SUPT20HL2: variants seen among roughly 807,000 people sequenced by gnomAD.
The protein encoded by SUPT20HL2 is SUPT20H like 2.
For missense variants in SUPT20HL2, 288 were observed against 127.4 expected, an observed-to-expected ratio of 2.26 and a Z score of -6.07; for synonymous variants, 125 against 51.6, an observed-to-expected ratio of 2.42 and a Z score of -6.10.
rs1939097074 is a variant in SUPT20HL2 at position 24,309,717 on chromosome X, G to GA, written c.*1144dup. Among the ~76,000 whole-genome samples the GA allele has an allele frequency of 5.1e-4, 7 of 13,821 alleles. No individual in the cohort carries two copies. Among genetic ancestry groups the GA allele is most frequent in the African/African-American group, 1.8e-3 (4 of 2,204 alleles). The allele number at this position is 13,821 out of a possible 115,157, so 12.0% of individuals were successfully genotyped here. On this transcript the variant is annotated 3_prime_UTR_variant, in exon 1 of 1. Transcript: ENST00000486479. Reference sequence around the variant, plus strand: ...TAAAAAAAAAAATTAAAAAAAAAAAGAAAAAAATAATAAAAATAAAAAAAA... The same window carrying GA: ...TAAAAAAAAAAATTAAAAAAAAAAAGAAAAAAAATAATAAAAATAAAAAAAA...
rs375529131 is a variant in SUPT20HL2 at position 24,314,027 on chromosome X, G to A, written c.-712C>T. 2.7e-6 allele frequency: 1 copy of A among 366,546 alleles called. No homozygotes were observed. Among genetic ancestry groups the A allele is most frequent in the Non-Finnish European group, 5.3e-6 (1 of 187,862 alleles). 30.2% of individuals were successfully genotyped at this position (366,546 alleles called of 1,213,427 possible). On this transcript the variant is annotated 5_prime_UTR_variant, in exon 1 of 1. Transcript: ENST00000486479. ...AAACATCGGTACCTGAGGGGTGATTGTCGTGGCCTGGGCTTCGCGTCTCTG... is the reference window on the plus strand; with the variant it reads ...AAACATCGGTACCTGAGGGGTGATTATCGTGGCCTGGGCTTCGCGTCTCTG...
chrX:24,308,611 T>C lies in SUPT20HL2; in HGVS notation c.*2251A>G, dbSNP rs1939085429. Among the ~76,000 whole-genome samples the C allele has an allele frequency of 8.9e-6, 1 of 112,412 alleles. No homozygotes were observed. The highest frequency in any genetic ancestry group is 3.2e-5 in the African/African-American group (1 of 30,960). On this transcript the variant is annotated 3_prime_UTR_variant, in exon 1 of 1. Transcript: ENST00000486479. ...GGATACCTGTCTCTTTACTGATGTC[T>C]TTTGGAATGCCAGATCAAATCTCCT...
chrX:24,310,783 A>C lies in SUPT20HL2; in HGVS notation c.*79T>G, dbSNP rs896743920. On this transcript the variant is annotated 3_prime_UTR_variant, in exon 1 of 1. Transcript: ENST00000486479. ...AAAATACCAAAACATGAGAAAAAAA[A>C]CAAAACTCAAGTAAAAACTGGGAAT... The C allele has an allele frequency of 4.0e-5, 11 of 274,294 alleles. No individual in the cohort carries two copies. The highest frequency in any genetic ancestry group is 2.5e-4 in the Admixed American group (5 of 19,613). 22.6% of individuals were successfully genotyped at this position (274,294 alleles called of 1,213,427 possible). A position where few individuals can be genotyped will look rare whatever the true frequency, so the allele number is the denominator to read the frequency against.
chrX:24,311,803 GAGC>G lies in SUPT20HL2; in HGVS notation c.1510_1512del (p.Ala504del), dbSNP rs1050338108. On this transcript the variant is annotated inframe_deletion, in exon 1 of 1. Transcript: ENST00000486479. ...GCAGCAGGAGCAGGAGCAGGAGCAG[GAGC>G]AGCAGCAGCTACAGCAGGAGCAGCA... is the stretch of plus-strand genomic sequence containing the variant. 1.2e-5 allele frequency: 4 copies of G among 336,466 alleles called. No individual in the cohort carries two copies. The highest frequency in any genetic ancestry group is 2.4e-5 in the Non-Finnish European group (4 of 167,316). The allele number at this position is 336,466 out of a possible 1,213,427, so 27.7% of individuals were successfully genotyped here.
In SUPT20HL2 at chrX:24,309,723, A is replaced by AAG; in HGVS notation, c.*1138_*1139insCT. ...AAAAAATTAAAAAAAAAAAGAAAAA[A>AAG]ATAATAAAAATAAAAAAAAAAAGAA... On this transcript the variant is annotated 3_prime_UTR_variant, in exon 1 of 1. Transcript: ENST00000486479. Among the ~76,000 whole-genome samples, 1 of 66,849 alleles carries AAG rather than the reference A, an allele frequency of 1.5e-5. No individual in the cohort carries two copies. 58.1% of individuals were successfully genotyped at this position (66,849 alleles called of 115,157 possible).
In SUPT20HL2 at chrX:24,309,718, A is replaced by AAAAAAT. The variant is rs1569195662; in HGVS notation, c.*1143_*1144insATTTTT. Among the ~76,000 whole-genome samples the AAAAAAT allele has an allele frequency of 1.3e-4, 9 of 70,279 alleles. No homozygotes were observed. Among genetic ancestry groups the AAAAAAT allele is most frequent in the African/African-American group, 5.5e-4 (7 of 12,711 alleles). The allele number at this position is 70,279 out of a possible 115,157, so 61.0% of individuals were successfully genotyped here. Reference sequence around the variant, plus strand: ...AAAAAAAAAAATTAAAAAAAAAAAGAAAAAAATAATAAAAATAAAAAAAAA... The same window carrying AAAAAAT: ...AAAAAAAAAAATTAAAAAAAAAAAGAAAAAATAAAAAATAATAAAAATAAAAAAAAA... On this transcript the variant is annotated 3_prime_UTR_variant, in exon 1 of 1. Transcript: ENST00000486479.
At position 24,308,761 on chromosome X, in the gene SUPT20HL2, A is replaced by T. The variant is rs1252827461; in HGVS notation, c.*2101T>A. 8.9e-6 allele frequency among the ~76,000 whole-genome samples: 1 copy of T among 112,197 alleles called. No individual in the cohort carries two copies. The highest frequency in any genetic ancestry group is 9.5e-5 in the Admixed American group (1 of 10,529). On this transcript the variant is annotated 3_prime_UTR_variant, in exon 1 of 1. Coordinates refer to ENST00000486479, the MANE Select transcript of SUPT20HL2 (RefSeq NM_001136233.3). Reference sequence around the variant, plus strand: ...GAGGTGCTAGAACAGATGCTTGTACATGAAAGTTGACAGCAGCTCTATGCA... The same window carrying T: ...GAGGTGCTAGAACAGATGCTTGTACTTGAAAGTTGACAGCAGCTCTATGCA...
Position 24,313,759 on chromosome X carries a change from G to C in SUPT20HL2, c.-444C>G, listed in dbSNP as rs2148138341. The C allele has an allele frequency of 2.8e-6, 1 of 359,018 alleles. No homozygotes were observed. 29.6% of individuals were successfully genotyped at this position (359,018 alleles called of 1,213,427 possible). A position where few individuals can be genotyped will look rare whatever the true frequency, so the allele number is the denominator to read the frequency against. On this transcript the variant is annotated 5_prime_UTR_variant, in exon 1 of 1. Coordinates refer to ENST00000486479, the MANE Select transcript of SUPT20HL2 (RefSeq NM_001136233.3). ...GAAGTGAGCGGGAGGGCCGTGGTCA[G>C]CTTCTAGGCGCGTCTGGGCACCTGC...
rs775650043 is a variant in SUPT20HL2 at position 24,311,562 on chromosome X, G to A, written c.1754C>T (p.Ala585Val). The change falls in exon 1 of 1, where the codon GCC (alanine) becomes GTC (valine). Residue 585 changes from alanine (A) to valine (V), a missense_variant. Coordinates refer to ENST00000486479, the MANE Select transcript of SUPT20HL2 (RefSeq NM_001136233.3). ...CTTGAAACTGCACCCCAAAACCTGG[G>A]CTCCCCGGACTGGGCCCTCCACGTT... ...ATNVEGPVRG[A>V]QVLGCSFKPV... 3 of 386,250 alleles carry A rather than the reference G, an allele frequency of 7.8e-6. No homozygotes were observed. The highest frequency in any genetic ancestry group is 1.0e-5 in the Non-Finnish European group (2 of 192,202). The allele number at this position is 386,250 out of a possible 1,213,427, so 31.8% of individuals were successfully genotyped here.
chrX:24,311,582 C>T lies in SUPT20HL2; in HGVS notation c.1734G>A (p.Val578=), dbSNP rs754298220. The change falls in exon 1 of 1, where the codon GTG becomes GTA. Residue 578 remains valine, a synonymous_variant. Coordinates refer to ENST00000486479, the MANE Select transcript of SUPT20HL2 (RefSeq NM_001136233.3). The stretch of plus-strand genomic sequence containing the variant: ...CCTGGGCTCCCCGGACTGGGCCCTC[C>T]ACGTTGGTGGCCTTTAGGCCAGTGG... ...TGSTGLKATN[V]EGPVRGAQVL... is the part of the protein sequence containing the mutation. 2 of 384,910 alleles carry T rather than the reference C, an allele frequency of 5.2e-6. No individual in the cohort carries two copies. Among genetic ancestry groups the T allele is most frequent in the African/African-American group, 5.1e-5 (2 of 39,521 alleles). 31.7% of individuals were successfully genotyped at this position (384,910 alleles called of 1,213,427 possible). A position where few individuals can be genotyped will look rare whatever the true frequency, so the allele number is the denominator to read the frequency against.
Position 24,313,249 on chromosome X carries a change from G to A in SUPT20HL2, c.67C>T (p.Arg23Cys), listed in dbSNP as rs1253581356. ...ENITEIAQQR[R>C]PRRRYSPRAG... is the part of the protein sequence containing the mutation. ...CTAGGTGAGTATCTCCTTCTAGGAC[G>A]TCTCTGTTGGGCAATTTCAGTGATA... is the stretch of plus-strand genomic sequence containing the variant. Residue 23 changes from arginine (R) to cysteine (C), a missense_variant, in exon 1 of 1, where the codon CGT becomes TGT. By Grantham distance (180) the Arg-to-Cys change is radical (BLOSUM62 -3). Transcript: ENST00000486479. 5.2e-6 allele frequency: 2 copies of A among 387,028 alleles called. No homozygotes were observed. The highest frequency in any genetic ancestry group is 1.0e-5 in the Non-Finnish European group (2 of 192,608). The allele number at this position is 387,028 out of a possible 1,213,427, so 31.9% of individuals were successfully genotyped here.
rs1569195653 is a variant in SUPT20HL2 at position 24,309,704 on chromosome X, T to TAA, written c.*1157_*1158insTT. On this transcript the variant is annotated 3_prime_UTR_variant, in exon 1 of 1. Coordinates refer to ENST00000486479, the MANE Select transcript of SUPT20HL2 (RefSeq NM_001136233.3). Reference sequence around the variant, plus strand: ...AAAAAAAAAAAATTAAAAAAAAAAATTAAAAAAAAAAAGAAAAAAATAATA... The same window carrying TAA: ...AAAAAAAAAAAATTAAAAAAAAAAATAATAAAAAAAAAAAGAAAAAAATAATA... Among the ~76,000 whole-genome samples, 4 of 18,353 alleles carry TAA rather than the reference T, an allele frequency of 2.2e-4. No homozygotes were observed. The highest frequency in any genetic ancestry group is 3.0e-4 in the African/African-American group (1 of 3,386). 15.9% of individuals were successfully genotyped at this position (18,353 alleles called of 115,157 possible).
At position 24,312,722 on chromosome X, in the gene SUPT20HL2, A is replaced by G. The variant is rs867542001; in HGVS notation, c.594T>C (p.Ser198=). Residue 198 remains serine (S), a synonymous_variant, in exon 1 of 1, where the codon AGT becomes AGC. Transcript: ENST00000486479. ...WSQEDKFPLE[S]QLILATAEPL... Reference sequence around the variant, plus strand: ...GTTCAGCTGTCGCTAAGATCAGTTGACTCTCAAGAGGAAATTTGTCTTCCT... The same window carrying G: ...GTTCAGCTGTCGCTAAGATCAGTTGGCTCTCAAGAGGAAATTTGTCTTCCT... 11 of 384,286 alleles carry G rather than the reference A, an allele frequency of 2.9e-5. No individual in the cohort carries two copies. Among genetic ancestry groups the G allele is most frequent in the Middle Eastern group, 4.3e-4 (1 of 2,348 alleles). 31.7% of individuals were successfully genotyped at this position (384,286 alleles called of 1,213,427 possible). A position where few individuals can be genotyped will look rare whatever the true frequency, so the allele number is the denominator to read the frequency against.
At position 24,309,734 on chromosome X, in the gene SUPT20HL2, T is replaced by TAAAAAAA. The variant is rs1429702092; in HGVS notation, c.*1121_*1127dup. On this transcript the variant is annotated 3_prime_UTR_variant, in exon 1 of 1. Coordinates refer to ENST00000486479, the MANE Select transcript of SUPT20HL2 (RefSeq NM_001136233.3). ...AAAAAAAAGAAAAAAATAATAAAAA[T>TAAAAAAA]AAAAAAAAAAAGAAAAAAAAAAAAA... Among the ~76,000 whole-genome samples the TAAAAAAA allele has an allele frequency of 1.3e-4, 2 of 15,701 alleles. No homozygotes were observed. Among genetic ancestry groups the TAAAAAAA allele is most frequent in the African/African-American group, 3.4e-4 (1 of 2,899 alleles). The allele number at this position is 15,701 out of a possible 115,157, so 13.6% of individuals were successfully genotyped here.
rs1429702092 is a variant in SUPT20HL2 at position 24,309,734 on chromosome X, T to TAAAAAAAAAAAAAAAAA, written c.*1127_*1128insTTTTTTTTTTTTTTTTT. On this transcript the variant is annotated 3_prime_UTR_variant, in exon 1 of 1. Coordinates refer to ENST00000486479, the MANE Select transcript of SUPT20HL2 (RefSeq NM_001136233.3). Reference sequence around the variant, plus strand: ...AAAAAAAAGAAAAAAATAATAAAAATAAAAAAAAAAAGAAAAAAAAAAAAA... The same window carrying TAAAAAAAAAAAAAAAAA: ...AAAAAAAAGAAAAAAATAATAAAAATAAAAAAAAAAAAAAAAAAAAAAAAAAAAGAAAAAAAAAAAAA... Among the ~76,000 whole-genome samples, 2 of 15,704 alleles carry TAAAAAAAAAAAAAAAAA rather than the reference T, an allele frequency of 1.3e-4. No individual in the cohort carries two copies. The highest frequency in any genetic ancestry group is 1.1e-3 in the Admixed American group (1 of 930). The allele number at this position is 15,704 out of a possible 115,157, so 13.6% of individuals were successfully genotyped here.
chrX:24,309,744 A>AAT lies in SUPT20HL2; in HGVS notation c.*1117_*1118insAT, dbSNP rs1939100998. Among the ~76,000 whole-genome samples, 2 of 50,235 alleles carry AAT rather than the reference A, an allele frequency of 4.0e-5. No individual in the cohort carries two copies. Among genetic ancestry groups the AAT allele is most frequent in the Non-Finnish European group, 7.0e-5 (2 of 28,737 alleles). 43.6% of individuals were successfully genotyped at this position (50,235 alleles called of 115,157 possible). A position where few individuals can be genotyped will look rare whatever the true frequency, so the allele number is the denominator to read the frequency against. On this transcript the variant is annotated 3_prime_UTR_variant, in exon 1 of 1. Transcript: ENST00000486479. ...AAAAAATAATAAAAATAAAAAAAAA[A>AAT]AGAAAAAAAAAAAAAAAAAAAAAAA...
chrX:24,312,818 A>G lies in SUPT20HL2; in HGVS notation c.498T>C (p.Leu166=), dbSNP rs757801671. The change falls in exon 1 of 1, where the codon CTT becomes CTC. Residue 166 remains leucine, a synonymous_variant. Coordinates refer to ENST00000486479, the MANE Select transcript of SUPT20HL2 (RefSeq NM_001136233.3). ...CTAAAGTCTGCATGGTTGGACGTAG[A>G]AGAATATGCCTGCTTTGGTAACCAG... ...QPPGYQSRHI[L]LRPTMQTLAP... The G allele has an allele frequency of 2.6e-6, 1 of 386,877 alleles. No individual in the cohort carries two copies. The highest frequency in any genetic ancestry group is 7.5e-5 in the East Asian group (1 of 13,411). 31.9% of individuals were successfully genotyped at this position (386,877 alleles called of 1,213,427 possible).
chrX:24,311,106 A>T lies in SUPT20HL2; in HGVS notation c.2210T>A (p.Val737Asp), dbSNP rs1939119782. 2.7e-6 allele frequency: 1 copy of T among 368,643 alleles called. No homozygotes were observed. Among genetic ancestry groups the T allele is most frequent in the Non-Finnish European group, 5.5e-6 (1 of 183,383 alleles). The allele number at this position is 368,643 out of a possible 1,213,427, so 30.4% of individuals were successfully genotyped here. ...GGGGAGCTGGACACCCTGCTGAGGA[A>T]CCTGGGCAGAGCCAAGCAGACTCAA... The part of the protein sequence containing the change: ...AVLSLLGSAQ[V>D]PQQGVQLPFV... The change falls in exon 1 of 1, where the codon GTT (valine) becomes GAT (aspartate). Residue 737 changes from valine (V) to aspartate (D), a missense_variant. Physicochemically the swap from Val to Asp is radical, Grantham distance 152 (BLOSUM62 -3). Coordinates refer to ENST00000486479, the MANE Select transcript of SUPT20HL2 (RefSeq NM_001136233.3).
Position 24,314,015 on chromosome X carries a change from T to C in SUPT20HL2, c.-700A>G. The C allele has an allele frequency of 2.7e-6, 1 of 367,759 alleles. No individual in the cohort carries two copies. Among genetic ancestry groups the C allele is most frequent in the Admixed American group, 2.6e-5 (1 of 38,973 alleles). 30.3% of individuals were successfully genotyped at this position (367,759 alleles called of 1,213,427 possible). A position where few individuals can be genotyped will look rare whatever the true frequency, so the allele number is the denominator to read the frequency against. ...GAGGGTTTCTGAAAACATCGGTACC[T>C]GAGGGGTGATTGTCGTGGCCTGGGC... is the stretch of plus-strand genomic sequence containing the variant. On this transcript the variant is annotated 5_prime_UTR_variant, in exon 1 of 1. Transcript: ENST00000486479.
Sources: gnomAD v4.1 joint callset for allele counts (sites outside exome capture counted in the v4.1 genomes callset) on GRCh38, gnomAD v4.1.1 for gene constraint, MANE v1.5 for transcripts, NCBI Gene and HGNC (gene_info 2026-07-23, HGNC 2026-07-21) for gene names.